CCDC93: variants seen among roughly 807,000 people sequenced by gnomAD.
CCDC93 encodes the protein CCC complex scaffolding subunit CCDC93.
In CCDC93, 61 loss-of-function variants were observed where a neutral mutation model predicts 108.2. The observed-to-expected ratio is 0.56, with a 90% CI of 0.46 to 0.70. The LOEUF (loss-of-function observed/expected upper bound fraction) is 0.70. Ranked by LOEUF, CCDC93 falls within the 30% of genes least tolerant of loss-of-function variation. CCDC93 has a pLI of 0.00. For synonymous variants in CCDC93, 276 were observed against 260.4 expected (o/e 1.06, Z -0.58); for missense variants, 685 against 764.2 (o/e 0.90, Z 1.22).
rs748087247 is a variant in CCDC93 at position 117,996,266 on chromosome 2, C to T, written c.460G>A (p.Glu154Lys). The change falls in exon 5 of 24, where the codon GAG (glutamate) becomes AAG (lysine). Residue 154 changes from glutamate to lysine, a missense_variant and splice_region_variant. Transcript: ENST00000376300. ...GAAAATAAAATCACAATACTGACCT[C>T]AGGGAGACTGTAAGTCTTCTGGAAC... ...SQFQKTYSLPEDDDFIKRKEK... is the reference protein window; with the variant it reads ...SQFQKTYSLPKDDDFIKRKEK... 2.5e-6 allele frequency: 4 copies of T among 1,595,108 alleles called. No homozygotes were observed. In the African/African-American group the frequency reaches 5.4e-5, roughly 21 times the overall value.
At chr2:118,013,332 G>C (rs897623384) in intron 1 of CCDC93, among the ~76,000 whole-genome samples, 11 of 152,234 alleles carry the variant, frequency 7.2e-5, no homozygotes, top group Admixed American at 2.0e-4. Flanking sequence ...AGCACCCCTG[G>C]AGTGCGTCCC....
intron 7 of CCDC93, among the ~76,000 whole-genome samples, chr2:117,982,668 TC>T (rs1245141194): frequency 5.3e-5 from 8 of 150,554 alleles, no homozygotes; most frequent in South Asian, 4.2e-4. Flanking sequence ...CAAAATACTT[TC>T]CCCCTGACAA....
intron 11 of CCDC93, among the ~76,000 whole-genome samples, chr2:117,966,025 G>C (rs545144525): frequency 3.3e-5 from 5 of 152,338 alleles, no homozygotes; most frequent in Admixed American, 2.0e-4. Flanking sequence ...CAACTACTAA[G>C]AGGACAAACG....
intron 19 of CCDC93, 69 bp from the exon 20 acceptor site, chr2:117,939,180 C>A: frequency 4.4e-6 from 4 of 919,460 alleles, no homozygotes; most frequent in Non-Finnish European, 7.0e-6. Context: ...CCCCTCTCCT[C>A]CATGAATGCA....
intron 11 of CCDC93, among the ~76,000 whole-genome samples, chr2:117,961,985 A>G (rs1244829043): frequency 1.3e-5 from 2 of 152,258 alleles, no homozygotes; most frequent in African/African-American, 4.8e-5. Flanking sequence ...TTGTGGATTA[A>G]GATGACTTCT....
intron 6 of CCDC93, among the ~76,000 whole-genome samples, chr2:117,989,739 G>A (rs554985701): frequency 9.9e-5 from 15 of 152,028 alleles, no homozygotes; most frequent in African/African-American, 1.7e-4. Context: ...TAAACTAATC[G>A]GTATATTTAA....
intron 23 of CCDC93, among the ~76,000 whole-genome samples, chr2:117,923,744 G>A (rs1677974370): frequency 6.6e-6 from 1 of 152,158 alleles, no homozygotes; most frequent in Non-Finnish European, 1.5e-5. Context: ...ATCCTCTGCA[G>A]ACTTAAAAGT....
chr2:117,975,738 C>G (rs1194749327), intron 8 of CCDC93, among the ~76,000 whole-genome samples: 1 of 152,168 alleles, frequency 6.6e-6, no homozygotes, highest in Non-Finnish European at 1.5e-5. Flanking sequence ...GGGTTAGGTA[C>G]TGCTTACTGA....
rs573598721 is a variant in CCDC93 at position 117,973,655 on chromosome 2, A to G, written c.888+253T>C. 5.3e-5 allele frequency among the ~76,000 whole-genome samples: 8 copies of G among 152,330 alleles called. No individual in the cohort carries two copies. In the East Asian group the frequency reaches 7.7e-4, roughly 15 times the overall value. On this transcript the variant is annotated intron_variant, in intron 11 of 23. Transcript: ENST00000376300. ...CTCAGGCATGAATTTATCAAATGTG[A>G]TAACTGCTCTGTGAGACAGGTTTTC...
At chr2:117,957,183 A>T (rs1679248415) in intron 12 of CCDC93, among the ~76,000 whole-genome samples, 1 of 152,022 alleles carries the variant, frequency 6.6e-6, no homozygotes, top group Non-Finnish European at 1.5e-5. Context: ...GAGCCACCAC[A>T]CCTGGCCCAT....
At chr2:117,958,230 T>C in intron 12 of CCDC93, 135 bp downstream of exon 12, 1 of 627,630 alleles carries the variant, frequency 1.6e-6, no homozygotes, top group Non-Finnish European at 2.9e-6. Flanking sequence ...TATGTTGTAA[T>C]AAAACTTAAT....
chr2:117,951,593 G>A (rs1452945396), intron 13 of CCDC93: 2 of 999,540 alleles, frequency 2.0e-6, no homozygotes, highest in African/African-American at 1.7e-5. Flanking sequence ...AATCGTCCAG[G>A]AAGTACGAGG....
chr2:117,935,470 C>T (rs1678491881), intron 22 of CCDC93, 25 bp downstream of exon 22: 1 of 1,561,562 alleles, frequency 6.4e-7, no homozygotes, highest in Non-Finnish European at 8.8e-7. Flanking sequence ...ACCTGGGCTG[C>T]ATTACAGAAA....
intron 9 of CCDC93, 57 bp downstream of exon 9, chr2:117,975,131 G>T: frequency 2.7e-6 from 4 of 1,464,118 alleles, no homozygotes; most frequent in Admixed American, 3.4e-5. Flanking sequence ...ATAAGAGTAC[G>T]ATTTCTCCCA....
Position 117,945,556 on chromosome 2 carries a change from A to G in CCDC93, c.1323T>C (p.Gly441=). ...EKTLSSGEPP[G]TLTSAMTHDE... is the part of the protein sequence containing the mutation. Reference sequence around the variant, plus strand: ...CATGAGTCATTGCAGAGGTCAAGGTACCAGGCGGCTCTCCACTGGAGAGGG... The same window carrying G: ...CATGAGTCATTGCAGAGGTCAAGGTGCCAGGCGGCTCTCCACTGGAGAGGG... Residue 441 remains glycine, a synonymous_variant, in exon 17 of 24, where the codon GGT becomes GGC. Coordinates refer to ENST00000376300, the MANE Select transcript of CCDC93 (RefSeq NM_019044.5). 6.2e-7 allele frequency: 1 copy of G among 1,614,016 alleles called. No individual in the cohort carries two copies. The highest frequency in any genetic ancestry group is 8.5e-7 in the Non-Finnish European group (1 of 1,179,918).
chr2:117,927,536 C>G (rs1290568247), intron 23 of CCDC93, among the ~76,000 whole-genome samples: 1 of 152,114 alleles, frequency 6.6e-6, no homozygotes, highest in Non-Finnish European at 1.5e-5. Flanking sequence ...AATAAAATAT[C>G]TAGGAATCCA....
chr2:117,990,329 C>A (rs1197069856), intron 6 of CCDC93, among the ~76,000 whole-genome samples: 3 of 152,140 alleles, frequency 2.0e-5, no homozygotes, highest in African/African-American at 7.2e-5. Context: ...TACAAAGCAG[C>A]CAGCTATTCT....
At chr2:117,934,304 C>T (rs904307123) in intron 22 of CCDC93, among the ~76,000 whole-genome samples, 4 of 152,156 alleles carry the variant, frequency 2.6e-5, no homozygotes, top group Non-Finnish European at 5.9e-5. Context: ...CCTGGGTTGT[C>T]AGAGGCTTTT....
chr2:117,930,939 C>T (rs1468820760), intron 23 of CCDC93, 98 bp downstream of exon 23: 1 of 715,296 alleles, frequency 1.4e-6, no homozygotes, highest in African/African-American at 1.8e-5. Flanking sequence ...CTTCACAGAC[C>T]AGAGGAAAAC....
Sources: allele counts gnomAD v4.1 joint callset (sites outside exome capture counted in the v4.1 genomes callset), GRCh38; gene constraint gnomAD v4.1.1; transcripts MANE v1.5; gene names NCBI Gene and HGNC (gene_info 2026-07-23, HGNC 2026-07-21).